Variants in ANK3 observed in about 807,000 individuals in gnomAD.
ANK3 encodes ankyrin 3.
Under a neutral mutation model 370.9 loss-of-function variants are expected in ANK3, and 57 were observed. The observed-to-expected ratio is 0.15, with a 90% CI of 0.12 to 0.19. The LOEUF (loss-of-function observed/expected upper bound fraction) is 0.19. Among genes scored for constraint, ANK3 ranks in the 10% least tolerant of loss-of-function variants. The pLI is 1.00. For missense variants in ANK3, 4,439 were observed against 5,302.1 expected (o/e 0.84, Z 5.06); for synonymous variants, 1,929 against 1,946.3 (o/e 0.99, Z 0.23).
chr10:60,623,511 G>C (rs539933652), intron 1 of ANK3, among the ~76,000 whole-genome samples: 70 of 152,192 alleles, frequency 4.6e-4, no homozygotes, highest in African/African-American at 1.6e-3. Flanking sequence ...TTGACATTTT[G>C]TTAGTTTATG....
intron 2 of ANK3, among the ~76,000 whole-genome samples, chr10:60,476,761 C>T (rs535436077): frequency 6.6e-6 from 1 of 152,256 alleles, no homozygotes; most frequent in South Asian, 2.1e-4. Context: ...CTGTATCAAC[C>T]TAAGCCAGTC....
At chr10:60,442,955 T>A (rs555597408) in intron 2 of ANK3, among the ~76,000 whole-genome samples, 2 of 152,312 alleles carry the variant, frequency 1.3e-5, no homozygotes, top group South Asian at 2.1e-4. Flanking sequence ...AATAAATACA[T>A]GTAAAGTTAT....
At chr10:60,118,157 G>T (rs1439706733) in intron 25 of ANK3, among the ~76,000 whole-genome samples, 1 of 152,150 alleles carries the variant, frequency 6.6e-6, no homozygotes, top group Non-Finnish European at 1.5e-5. Context: ...GGTGTATATG[G>T]GGATTATGTT....
intron 36 of ANK3, among the ~76,000 whole-genome samples, chr10:60,080,127 A>C (rs76222164): frequency 2.0e-5 from 3 of 152,124 alleles, no homozygotes; most frequent in African/African-American, 4.8e-5. Context: ...ATGACAACCT[A>C]TCTATACTGA....
intron 2 of ANK3, among the ~76,000 whole-genome samples, chr10:60,411,255 G>T (rs2063554538): frequency 6.6e-6 from 1 of 152,210 alleles, no homozygotes; most frequent in Admixed American, 6.5e-5. Context: ...CAAAAATTAG[G>T]CCAGTTATGT....
intron 1 of ANK3, among the ~76,000 whole-genome samples, chr10:60,652,350 C>T (rs953359360): frequency 9.9e-5 from 15 of 151,972 alleles, no homozygotes; most frequent in Non-Finnish European, 1.9e-4. Context: ...TGCAGTGAGC[C>T]ATGATTGCAC....
chr10:60,070,814 T>G lies in ANK3; in HGVS notation c.10067A>C (p.Asn3356Thr), dbSNP rs1246315728. 3 of 1,614,172 alleles carry G rather than the reference T, an allele frequency of 1.9e-6. No homozygotes were observed. The highest frequency in any genetic ancestry group is 2.5e-6 in the Non-Finnish European group (3 of 1,180,022). The change falls in exon 37 of 44, where the codon AAC (asparagine) becomes ACC (threonine). Residue 3356 changes from asparagine (N) to threonine (T), a missense_variant. Physicochemically the swap from Asn to Thr is moderately conservative, Grantham distance 65. Coordinates refer to ENST00000280772, the MANE Select transcript of ANK3 (RefSeq NM_020987.5). This position sits in a 1 kb window ranked among gnomAD's most constrained non-coding sequence, Gnocchi z 5.7. ...KPKASAEKASNQKELESNGSG... is the reference protein window; with the variant it reads ...KPKASAEKASTQKELESNGSG... ...TCCATTACTTTCCAGTTCTTTCTGG[T>G]TGGAAGCCTTTTCAGCAGAAGCTTT...
intron 38 of ANK3, 31 bp from the exon 39 acceptor site, chr10:60,064,319 G>T: frequency 6.5e-7 from 1 of 1,542,802 alleles, no homozygotes; most frequent in South Asian, 1.3e-5. Flanking sequence ...TACTAAGATT[G>T]CATATTCTAC....
At chr10:60,051,402 G>A (rs1219565892) in intron 42 of ANK3, 3 of 678,272 alleles carry the variant, frequency 4.4e-6, no homozygotes, top group African/African-American at 2.0e-5. Flanking sequence ...CACAAGGAAG[G>A]AGTTTCTACA....
intron 2 of ANK3, among the ~76,000 whole-genome samples, chr10:60,489,533 A>G (rs2075438248): frequency 1.3e-5 from 2 of 152,198 alleles, no homozygotes; most frequent in African/African-American, 4.8e-5. Flanking sequence ...GCCACAGTTA[A>G]CATTTAGCAC....
At chr10:60,293,922 G>A (rs999802574) in intron 1 of ANK3, among the ~76,000 whole-genome samples, 2 of 152,170 alleles carry the variant, frequency 1.3e-5, no homozygotes, top group Non-Finnish European at 2.9e-5. Context: ...TATAAAACAT[G>A]ACAACTGTTT....
intron 2 of ANK3, among the ~76,000 whole-genome samples, chr10:60,548,111 T>C (rs2077009370): frequency 6.6e-6 from 1 of 151,196 alleles, no homozygotes; most frequent in African/African-American, 2.4e-5. Context: ...AGAACTTTCA[T>C]AATACCCAAC....
chr10:60,485,248 C>A (rs890091027), intron 2 of ANK3, among the ~76,000 whole-genome samples: 9 of 152,126 alleles, frequency 5.9e-5, no homozygotes, highest in African/African-American at 2.2e-4. Context: ...TGTTTCTTTC[C>A]ATGTCTACAC....
intron 2 of ANK3, among the ~76,000 whole-genome samples, chr10:60,502,938 G>A (rs192572065): frequency 3.1e-4 from 47 of 151,742 alleles, no homozygotes; most frequent in East Asian, 2.3e-3. Flanking sequence ...GAAAAGGAAC[G>A]AAGGAAGGAA....
intron 9 of ANK3, among the ~76,000 whole-genome samples, chr10:60,212,487 A>G (rs2132456096): frequency 1.3e-5 from 2 of 152,304 alleles, no homozygotes; most frequent in Middle Eastern, 3.4e-3. Context: ...TCATCAAGAT[A>G]AGAAACACTC....
chr10:60,305,251 T>A (rs140067940), intron 1 of ANK3, among the ~76,000 whole-genome samples: 23 of 152,308 alleles, frequency 1.5e-4, no homozygotes, highest in Non-Finnish European at 2.9e-4. Flanking sequence ...CTGTTCTTTA[T>A]GTCTGTGTGG....
chr10:60,291,006 G>A (rs1409000172), intron 1 of ANK3, among the ~76,000 whole-genome samples: 6 of 152,206 alleles, frequency 3.9e-5, no homozygotes, highest in South Asian at 2.1e-4. Flanking sequence ...AATTCAGGCC[G>A]TGGGGGTATT....
chr10:60,594,814 A>G (rs1041768135), intron 2 of ANK3, among the ~76,000 whole-genome samples: 2 of 151,986 alleles, frequency 1.3e-5, no homozygotes, highest in African/African-American at 4.8e-5. Context: ...GAGGTCTTTG[A>G]GAGGTTTACA....
At chr10:60,347,679 A>G (rs763913189) in intron 1 of ANK3, among the ~76,000 whole-genome samples, 9 of 152,058 alleles carry the variant, frequency 5.9e-5, no homozygotes, top group Non-Finnish European at 1.3e-4. Flanking sequence ...TCATAAATCT[A>G]TTGCTTTTTT....
Sources: allele counts gnomAD v4.1 joint callset (sites outside exome capture counted in the v4.1 genomes callset), GRCh38; gene constraint gnomAD v4.1.1; non-coding constraint Gnocchi (gnomAD v3.1); transcripts MANE v1.5; gene names NCBI Gene and HGNC (gene_info 2026-07-23, HGNC 2026-07-21).